Variants in SEMA4D observed in about 807,000 individuals in gnomAD.
SEMA4D encodes semaphorin 4D.
In SEMA4D, 22 loss-of-function variants were observed where a neutral mutation model predicts 74.8. The ratio of observed to expected loss-of-function variants is 0.29; its 90% CI spans 0.21 to 0.42. The LOEUF (loss-of-function observed/expected upper bound fraction) is 0.42, where lower values mean the gene tolerates loss of function less well. Ranked by LOEUF, SEMA4D falls within the 10% of genes least tolerant of loss-of-function variation. The probability of loss-of-function intolerance (pLI) is 1.00; values close to 1 mark genes in which losing one functional copy is unlikely to be tolerated. For synonymous variants in SEMA4D, 445 were observed against 463.7 expected (o/e 0.96, Z 0.52); for missense variants, 937 against 1,118.4 (o/e 0.84, Z 2.31).
chr9:89,446,712 T>A (rs1852959854), intron 2 of SEMA4D, among the ~76,000 whole-genome samples: 1 of 152,018 alleles, frequency 6.6e-6, no homozygotes, highest in Non-Finnish European at 1.5e-5. Flanking sequence ...CCACACCTTC[T>A]AAAACAAGGC....
At chr9:89,402,378 T>C (rs1842397775) in intron 4 of SEMA4D, among the ~76,000 whole-genome samples, 1 of 152,026 alleles carries the variant, frequency 6.6e-6, no homozygotes. Context: ...AAACTAAACG[T>C]TTGAACCAAC....
At chr9:89,479,936 C>G (rs1217777846) in intron 1 of SEMA4D, 3 of 152,282 alleles carry the variant, frequency 2.0e-5, no homozygotes, top group African/African-American at 7.2e-5. Flanking sequence ...TCTGGCCCCA[C>G]CCACATCCTG....
rs372022508 is a variant in SEMA4D at position 89,459,061 on chromosome 9, G to A, written c.-309-3108C>T. 3.9e-5 allele frequency among the ~76,000 whole-genome samples: 6 copies of A among 152,220 alleles called. No individual in the cohort carries two copies. In the East Asian group the frequency reaches 9.6e-4, roughly 24 times the overall value. ...GCCCAGCATTCCCACCCACTCACAC[G>A]CTGGGGAAAGAATCACCTCCTTCCT... On this transcript the variant is annotated intron_variant, in intron 1 of 15. Coordinates refer to ENST00000422704, the MANE Select transcript of SEMA4D (RefSeq NM_001371194.2).
chr9:89,481,569 G>A (rs1300950652), intron 1 of SEMA4D, among the ~76,000 whole-genome samples: 3 of 152,250 alleles, frequency 2.0e-5, no homozygotes, highest in Admixed American at 6.5e-5. Context: ...AGCCGAGAGG[G>A]CAGCAGACAC....
rs768987399 is a variant in SEMA4D, at chr9:89,405,396, C to T, written c.61G>A (p.Ala21Thr). 6.2e-7 allele frequency: 1 copy of T among 1,614,138 alleles called. No homozygotes were observed. Among genetic ancestry groups the T allele is most frequent in the Non-Finnish European group, 8.5e-7 (1 of 1,180,000 alleles). The change falls in exon 3 of 16, where the codon GCG (alanine) becomes ACG (threonine). Residue 21 changes from alanine to threonine, a missense_variant. Ala to Thr is a moderately conservative substitution (Grantham distance 58). Coordinates refer to ENST00000422704, the MANE Select transcript of SEMA4D (RefSeq NM_001371194.2). ...LMALAVMFGT[A>T]MAFAPIPRIT... ...CGGGGTATGGGTGCAAATGCCATCG[C>T]TGTCCCAAACATCACTGCAAGGGCC... is the stretch of plus-strand genomic sequence containing the variant.
chr9:89,363,290 C>T, intron 18 of SEMA4D: 1 of 1,289,778 alleles, frequency 7.8e-7, no homozygotes, highest in Non-Finnish European at 1.0e-6. Context: ...TTGCAGATTT[C>T]ATAAAGGAAA....
At chr9:89,387,086 T>G (rs28609558) in intron 12 of SEMA4D, 26,059 of 333,590 alleles carry the variant, frequency 0.078, 2,121 homozygotes, top group African/African-American at 0.22. Context: ...GCCCCCTGCG[T>G]GGGCACTGCC....
intron 2 of SEMA4D, among the ~76,000 whole-genome samples, chr9:89,415,377 G>A (rs1209156328): frequency 1.3e-5 from 2 of 152,196 alleles, no homozygotes; most frequent in Non-Finnish European, 2.9e-5. Flanking sequence ...AGGGAGGACT[G>A]TGTTAACCCT....
intron 16 of SEMA4D, among the ~76,000 whole-genome samples, chr9:89,370,816 G>GA (rs1834493057): frequency 6.9e-6 from 1 of 145,926 alleles, no homozygotes; most frequent in African/African-American, 2.5e-5. Flanking sequence ...ATGTGTGTGG[G>GA]TGTGGTGTGT....
chr9:89,388,925 G>A lies in SEMA4D; in HGVS notation c.897C>T (p.Leu299=), dbSNP rs781570891. The change falls in exon 10 of 16, where the codon CTC becomes CTT. Residue 299 remains leucine, a synonymous_variant. Coordinates refer to ENST00000422704, the MANE Select transcript of SEMA4D (RefSeq NM_001371194.2). ...CAGGCACCTTCAGGCCCGGGGACCT[G>A]AGCACGAAGACATCCCGCAGCACAT... ...VFNVLRDVFV[L]RSPGLKVPVF... The A allele has an allele frequency of 5.9e-5, 96 of 1,614,082 alleles. No individual in the cohort carries two copies. The East Asian group carries it at 2.1e-3, about 35-fold the overall frequency.
chr9:89,437,695 G>A (rs1459725829), intron 2 of SEMA4D, among the ~76,000 whole-genome samples: 1 of 152,176 alleles, frequency 6.6e-6, no homozygotes, highest in Non-Finnish European at 1.5e-5. Flanking sequence ...TGGCTGATGT[G>A]TCCAGGTGCT....
chr9:89,491,068 A>T (rs538707784), intron 1 of SEMA4D, among the ~76,000 whole-genome samples: 36 of 150,634 alleles, frequency 2.4e-4, no homozygotes, highest in African/African-American at 8.3e-4. Flanking sequence ...GCTGTGTTTG[A>T]AGTGAATACA....
chr9:89,427,822 G>C (rs1291291998), intron 2 of SEMA4D, among the ~76,000 whole-genome samples: 1 of 152,226 alleles, frequency 6.6e-6, no homozygotes, highest in Non-Finnish European at 1.5e-5. Context: ...TGTGCGACGT[G>C]GCGGGTCACA....
chr9:89,362,295 A>G lies in SEMA4D; in HGVS notation c.*107T>C, dbSNP rs2132160393. The G allele has an allele frequency of 6.3e-6, 10 of 1,596,434 alleles. 1 individual carries two copies. The Middle Eastern group carries it at 7.5e-4, about 120-fold the overall frequency. ...TGTGTTCAGAGCAGGCTTGGGCAAG[A>G]CAGTTCACAGTTGTGGGGGACCAGG... On this transcript the variant is annotated 3_prime_UTR_variant, in exon 19 of 19. Coordinates refer to the SEMA4D transcript ENST00000339861.
rs1401139052 is a variant in SEMA4D at position 89,396,761 on chromosome 9, T to C, written c.390A>G (p.Ala130=). 2 of 1,613,796 alleles carry C rather than the reference T, an allele frequency of 1.2e-6. No individual in the cohort carries two copies. Among genetic ancestry groups the C allele is most frequent in the East Asian group, 2.2e-5 (1 of 44,870 alleles). The change falls in exon 6 of 16, where the codon GCA becomes GCG. Residue 130 remains alanine, a synonymous_variant. Transcript: ENST00000422704. ...CCAGGTGGTCACAGGCCGGCTGGAA[T>C]GCGTTGGTCCCACACACGTAAAGGG... The part of the protein sequence containing the change: ...ATSLYVCGTN[A]FQPACDHLNL...
At chr9:89,473,870 C>CA (rs1181003899) in intron 1 of SEMA4D, among the ~76,000 whole-genome samples, 3 of 152,012 alleles carry the variant, frequency 2.0e-5, no homozygotes, top group Admixed American at 2.0e-4. Flanking sequence ...CAAAACAAAA[C>CA]AAACAAAAAA....
chr9:89,452,928 G>A (rs1434272778), intron 2 of SEMA4D, among the ~76,000 whole-genome samples: 14 of 152,150 alleles, frequency 9.2e-5, no homozygotes, highest in Non-Finnish European at 1.6e-4. Flanking sequence ...TGCCCATCAG[G>A]GATGGGATCT....
At chr9:89,497,289 T>C (rs1180444585) in intron 1 of SEMA4D, 1 of 152,304 alleles carries the variant, frequency 6.6e-6, no homozygotes, top group African/African-American at 2.4e-5. Context: ...TCTAGAATAA[T>C]GCAACCAAAA....
At chr9:89,421,669 C>T (rs1409776444) in intron 2 of SEMA4D, among the ~76,000 whole-genome samples, 1 of 152,172 alleles carries the variant, frequency 6.6e-6, no homozygotes, top group Non-Finnish European at 1.5e-5. Context: ...GGATGGAATA[C>T]TATGCAACTG....
Sources: gnomAD v4.1 joint callset for allele counts (sites outside exome capture counted in the v4.1 genomes callset) on GRCh38, gnomAD v4.1.1 for gene constraint, MANE v1.5 for transcripts, NCBI Gene and HGNC (gene_info 2026-07-23, HGNC 2026-07-21) for gene names.